Variants in CADPS observed in about 807,000 individuals in gnomAD.
CADPS encodes the protein calcium dependent secretion activator.
Under a neutral mutation model 167.3 loss-of-function variants are expected in CADPS, and 57 were observed. The observed-to-expected ratio is 0.34, with a 90% CI of 0.28 to 0.42. The LOEUF is 0.42. Among genes scored for constraint, CADPS ranks in the 20% least tolerant of loss-of-function variants. CADPS has a pLI of 1.00. For missense variants in CADPS, 1,414 were observed against 1,738.1 expected, an observed-to-expected ratio of 0.81 and a Z score of 3.32; for synonymous variants, 676 against 635.3, an observed-to-expected ratio of 1.06 and a Z score of -0.96.
At chr3:62,593,244 G>C (rs1395138638) in intron 6 of CADPS, among the ~76,000 whole-genome samples, 4 of 152,186 alleles carry the variant, frequency 2.6e-5, no homozygotes, top group Admixed American at 2.6e-4. Flanking sequence ...AGTTGAATAA[G>C]GAGATTATGG....
chr3:62,756,255 C>T (rs72878382), intron 2 of CADPS, among the ~76,000 whole-genome samples: 15 of 152,062 alleles, frequency 9.9e-5, no homozygotes, highest in African/African-American at 2.7e-4. Flanking sequence ...GTAGTAGTGA[C>T]GGGGTTTCTC....
intron 28 of CADPS, among the ~76,000 whole-genome samples, chr3:62,410,080 A>G (rs933286834): frequency 5.4e-4 from 82 of 152,150 alleles, no homozygotes; most frequent in Admixed American, 2.9e-3. Flanking sequence ...CCAACAAGAT[A>G]TGTTACCCCA....
At chr3:62,732,068 A>T (rs543060) in intron 3 of CADPS, among the ~76,000 whole-genome samples, 48,920 of 151,822 alleles carry the variant, frequency 0.32, 8,593 homozygotes, top group African/African-American at 0.46. Flanking sequence ...TCTCATTTTG[A>T]ACTTCCTCAT....
chr3:62,683,642 C>T (rs1240028349), intron 3 of CADPS, among the ~76,000 whole-genome samples: 2 of 152,024 alleles, frequency 1.3e-5, no homozygotes, highest in African/African-American at 2.4e-5. Flanking sequence ...ATTTGGACCT[C>T]ATTAGATTTT....
At chr3:62,833,261 C>A (rs989297120) in intron 1 of CADPS, among the ~76,000 whole-genome samples, 17 of 152,020 alleles carry the variant, frequency 1.1e-4, no homozygotes, top group African/African-American at 4.1e-4. Context: ...GATCCTCCAA[C>A]CTTAGCCTCT....
intron 1 of CADPS, among the ~76,000 whole-genome samples, chr3:62,863,811 T>C (rs2081232400): frequency 6.6e-6 from 1 of 152,212 alleles, no homozygotes; most frequent in Non-Finnish European, 1.5e-5. Context: ...GATTTTAAGA[T>C]GAGTTGCACA....
intron 3 of CADPS, among the ~76,000 whole-genome samples, chr3:62,720,388 A>C (rs928962461): frequency 6.6e-6 from 1 of 151,042 alleles, no homozygotes; most frequent in Non-Finnish European, 1.5e-5. Context: ...ACTGCAGTGC[A>C]GTGGTAAGAT....
intron 1 of CADPS, among the ~76,000 whole-genome samples, chr3:62,841,452 A>C (rs551310684): frequency 6.6e-6 from 1 of 152,336 alleles, no homozygotes; most frequent in South Asian, 2.1e-4. Flanking sequence ...ATGATGGCTC[A>C]TGCCTGTAAT....
At chr3:62,496,447 A>G (rs2064818535) in intron 18 of CADPS, among the ~76,000 whole-genome samples, 1 of 152,166 alleles carries the variant, frequency 6.6e-6, no homozygotes, top group Non-Finnish European at 1.5e-5. Flanking sequence ...TGCTCTCAAC[A>G]CGTTCTGTTT....
chr3:62,814,972 C>G (rs78727273), intron 1 of CADPS, among the ~76,000 whole-genome samples: 393 of 152,268 alleles, frequency 2.6e-3, no homozygotes, highest in African/African-American at 9.3e-3. Flanking sequence ...GGACTTCCGT[C>G]TTCTTTTTGG....
At chr3:62,766,524 T>TA (rs1460631453) in intron 1 of CADPS, among the ~76,000 whole-genome samples, 1 of 152,192 alleles carries the variant, frequency 6.6e-6, no homozygotes, top group Non-Finnish European at 1.5e-5. Context: ...TGGTCTGAAA[T>TA]ACCTTGATGA....
intron 10 of CADPS, among the ~76,000 whole-genome samples, chr3:62,556,410 C>T (rs1212071592): frequency 6.6e-6 from 1 of 152,228 alleles, no homozygotes; most frequent in Non-Finnish European, 1.5e-5. Flanking sequence ...CCCTGCCACA[C>T]CTTTTCAGGT....
chr3:62,516,542 T>TTA, intron 15 of CADPS, 38 bp downstream of exon 15: 8 of 1,430,752 alleles, frequency 5.6e-6, no homozygotes, highest in Non-Finnish European at 7.7e-6. Flanking sequence ...TTATGTCTTT[T>TTA]TATATATATG....
chr3:62,712,398 C>T (rs573432009), intron 3 of CADPS, among the ~76,000 whole-genome samples: 32 of 152,240 alleles, frequency 2.1e-4, no homozygotes, highest in Middle Eastern at 3.4e-3. Flanking sequence ...TCCAATAAGG[C>T]GAAAAATCTG....
Position 62,398,758 on chromosome 3 carries a change from C to T in CADPS, c.*648G>A, listed in dbSNP as rs1704887905. The T allele has an allele frequency of 6.6e-6, 1 of 151,982 alleles. No individual in the cohort carries two copies. Among genetic ancestry groups the T allele is most frequent in the Non-Finnish European group, 1.5e-5 (1 of 67,992 alleles). The allele number at this position is 151,982 out of a possible 1,614,324, so 9.4% of individuals were successfully genotyped here. A position where few individuals can be genotyped will look rare whatever the true frequency, so the allele number is the denominator to read the frequency against. On this transcript the variant is annotated 3_prime_UTR_variant, in exon 30 of 30. Transcript: ENST00000383710. Reference sequence around the variant, plus strand: ...GATGTTAAGTCATGATAGGATCGCCCCCTTGCCGTGGCAATTAAGAGAATC... The same window carrying T: ...GATGTTAAGTCATGATAGGATCGCCTCCTTGCCGTGGCAATTAAGAGAATC...
intron 28 of CADPS, among the ~76,000 whole-genome samples, chr3:62,415,256 A>C (rs553480527): frequency 8.5e-5 from 13 of 152,180 alleles, no homozygotes; most frequent in African/African-American, 3.1e-4. Context: ...TTATCAAAAA[A>C]CGGCGCTCGG....
At chr3:62,493,860 C>A (rs2064164372) in intron 18 of CADPS, among the ~76,000 whole-genome samples, 195 bp from the exon 19 acceptor site, 2 of 152,234 alleles carry the variant, frequency 1.3e-5, no homozygotes, top group Non-Finnish European at 2.9e-5. Context: ...AAGAGGTATC[C>A]TTTTACTGTT....
rs1553968967 is a variant in CADPS, at chr3:62,599,780, T to TTATATATATTG, written c.1326-7033_1326-7032insCAATATATATA. ...ATATATTGTATATATAATATATATATTATATATAATATATATAATATATAA... is the reference window on the plus strand; with the variant it reads ...ATATATTGTATATATAATATATATATTATATATATTGTATATATAATATATATAATATATAA... On this transcript the variant is annotated intron_variant, in intron 6 of 29. Transcript: ENST00000383710. 4.9e-4 allele frequency among the ~76,000 whole-genome samples: 6 copies of TTATATATATTG among 12,320 alleles called. 1 individual carries two copies. The highest frequency in any genetic ancestry group is 1.5e-3 in the African/African-American group (5 of 3,324). The allele number at this position is 12,320 out of a possible 152,430, so 8.1% of individuals were successfully genotyped here.
intron 21 of CADPS, among the ~76,000 whole-genome samples, chr3:62,483,019 CG>C (rs1036152128): frequency 4.1e-4 from 62 of 151,986 alleles, no homozygotes; most frequent in African/African-American, 1.4e-3. Context: ...GTGTCATACA[CG>C]GCTCCTCAAG....
Sources: gnomAD v4.1 joint callset for allele counts (sites outside exome capture counted in the v4.1 genomes callset) on GRCh38, gnomAD v4.1.1 for gene constraint, MANE v1.5 for transcripts, NCBI Gene and HGNC (gene_info 2026-07-23, HGNC 2026-07-21) for gene names.